Variants in SSC5D observed in about 807,000 individuals in gnomAD.
The protein encoded by SSC5D is scavenger receptor cysteine rich family member with 5 domains.
In SSC5D, 106 loss-of-function variants were observed where a neutral mutation model predicts 104.6. The observed-to-expected ratio is 1.01, with a 90% confidence interval of 0.87 to 1.19. SSC5D has a LOEUF of 1.19. SSC5D is among the 50% of genes most tolerant of loss of function. SSC5D has a pLI of 0.00. For synonymous variants in SSC5D, 860 were observed against 883.5 expected, an observed-to-expected ratio of 0.97 and a Z score of 0.47; for missense variants, 1,993 against 2,153.8, an observed-to-expected ratio of 0.93 and a Z score of 1.48.
Position 55,501,090 on chromosome 19 carries a change from G to A in SSC5D, c.2674G>A (p.Asp892Asn), listed in dbSNP as rs1272793696. 2.6e-6 allele frequency: 4 copies of A among 1,551,736 alleles called. No homozygotes were observed. Among genetic ancestry groups the A allele is most frequent in the Admixed American group, 3.9e-5 (2 of 50,982 alleles). ...PWTWDPTSRE[D>N]LAKGTTTAGV... ...GACCTGGGACCCCACCTCAAGAGAGGACCTGGCCAAGGGGACTACCACAGC... is the reference window on the plus strand; with the variant it reads ...GACCTGGGACCCCACCTCAAGAGAGAACCTGGCCAAGGGGACTACCACAGC... Residue 892 changes from aspartate to asparagine, a missense_variant, in exon 12 of 14, where the codon GAC becomes AAC. Physicochemically the swap from Asp to Asn is conservative, Grantham distance 23. Transcript: ENST00000389623.
At chr19:55,489,080 C>T (rs1315904683) in intron 2 of SSC5D, 48 bp downstream of exon 2, 3 of 991,946 alleles carry the variant, frequency 3.0e-6, no homozygotes, top group East Asian at 5.1e-5. Context: ...CCCCAGGCCT[C>T]CCCCTTCTGC....
In SSC5D at chr19:55,489,148, A is replaced by T. The variant is rs1987053214; in HGVS notation, c.52+116A>T. On this transcript the variant is annotated intron_variant, in intron 2 of 13. Coordinates refer to ENST00000389623, the MANE Select transcript of SSC5D (RefSeq NM_001144950.2). ...CCCGGCCCATCCGAATTCCACTGTG[A>T]CCTTGGCCCCAGCTCCGCAAGGGAA... The T allele has an allele frequency of 2.4e-5, 20 of 844,672 alleles. No individual in the cohort carries two copies. In the East Asian group the frequency reaches 9.0e-4, roughly 38 times the overall value. 52.3% of individuals were successfully genotyped at this position (844,672 alleles called of 1,614,324 possible). A position where few individuals can be genotyped will look rare whatever the true frequency, so the allele number is the denominator to read the frequency against.
chr19:55,505,235 C>G (rs8100922), intron 12 of SSC5D, among the ~76,000 whole-genome samples: 18,355 of 151,554 alleles, frequency 0.12, 1,481 homozygotes, highest in African/African-American at 0.17. Flanking sequence ...TTTCAGGGAA[C>G]GAGCGATTAT....
rs1449038176 is a variant in SSC5D, at chr19:55,490,788, C to G, written c.603C>G (p.Val201=). 35 of 1,540,584 alleles carry G rather than the reference C, an allele frequency of 2.3e-5. No homozygotes were observed. The highest frequency in any genetic ancestry group is 3.6e-5 in the South Asian group (3 of 82,968). Reference sequence around the variant, plus strand: ...ACCCCACAGAGCGGCTGCGCCTGGTCTCTGGCCCCCACAGGTGCGCCGGAC... The same window carrying G: ...ACCCCACAGAGCGGCTGCGCCTGGTGTCTGGCCCCCACAGGTGCGCCGGAC... ...GAPRQERLRL[V]SGPHRCAGRL... The change falls in exon 6 of 14, where the codon GTC becomes GTG. Residue 201 remains valine (V), a synonymous_variant. Transcript: ENST00000389623.
At chr19:55,516,194 C>T (rs1041179597) in intron 13 of SSC5D, among the ~76,000 whole-genome samples, 45 of 150,650 alleles carry the variant, frequency 3.0e-4, no homozygotes, top group African/African-American at 1.1e-3. Flanking sequence ...ATGATGAACT[C>T]GGTATCAAAA....
In SSC5D at chr19:55,489,351, C is replaced by T; in HGVS notation, c.53-3C>T. On this transcript the variant is annotated splice_region_variant and splice_polypyrimidine_tract_variant and intron_variant, in intron 2 of 13. Coordinates refer to ENST00000389623, the MANE Select transcript of SSC5D (RefSeq NM_001144950.2). ...CAGTCACAGCCATTCCTCCAACCCT[C>T]AGAGCGCCTGCGCCTGGCCGATGGC... 4.2e-6 allele frequency: 6 copies of T among 1,443,070 alleles called. No homozygotes were observed. The highest frequency in any genetic ancestry group is 5.4e-6 in the Non-Finnish European group (6 of 1,106,300). 89.4% of individuals were successfully genotyped at this position (1,443,070 alleles called of 1,614,324 possible). A position where few individuals can be genotyped will look rare whatever the true frequency, so the allele number is the denominator to read the frequency against.
chr19:55,512,313 C>T (rs1236292602), intron 12 of SSC5D, among the ~76,000 whole-genome samples: 3 of 131,250 alleles, frequency 2.3e-5, no homozygotes, highest in Admixed American at 1.7e-4. Context: ...ATATATTATA[C>T]ATTTATATGT....
intron 11 of SSC5D, 23 bp from the exon 12 acceptor site, chr19:55,501,011 C>G (rs781367380): frequency 7.1e-6 from 11 of 1,550,846 alleles, no homozygotes; most frequent in Non-Finnish European, 9.6e-6. Flanking sequence ...ATGGGGTCAA[C>G]CATTACCCCA....
Position 55,500,417 on chromosome 19 carries a change from G to C in SSC5D, c.2302+5G>C. 1 of 1,550,024 alleles carries C rather than the reference G, an allele frequency of 6.5e-7. No individual in the cohort carries two copies. The highest frequency in any genetic ancestry group is 8.7e-7 in the Non-Finnish European group (1 of 1,145,822). On this transcript the variant is annotated splice_donor_5th_base_variant and intron_variant, in intron 10 of 13. Coordinates refer to ENST00000389623, the MANE Select transcript of SSC5D (RefSeq NM_001144950.2). This position sits in a 1 kb window ranked among gnomAD's most constrained non-coding sequence, Gnocchi z 4.6. ...TTAGCACCACTGGGGAATCAGGTGA[G>C]TGGCCGTGAGGGGTGTGGGGAGAGA...
intron 12 of SSC5D, among the ~76,000 whole-genome samples, chr19:55,510,434 C>T (rs982382616): frequency 3.9e-5 from 6 of 152,154 alleles, no homozygotes; most frequent in African/African-American, 7.2e-5. Context: ...CTGCAACTTC[C>T]GCCTCCCAGG....
rs1354101691 is a variant in SSC5D, at chr19:55,519,025, G to C, written c.*27G>C. ...CCTCTCCAGGATTTGAGGGGCTTAAGACACCCCCAACCAAAAAAAACAAAA... is the reference window on the plus strand; with the variant it reads ...CCTCTCCAGGATTTGAGGGGCTTAACACACCCCCAACCAAAAAAAACAAAA... On this transcript the variant is annotated 3_prime_UTR_variant, in exon 14 of 14. Coordinates refer to ENST00000389623, the MANE Select transcript of SSC5D (RefSeq NM_001144950.2). The C allele has an allele frequency of 6.5e-7, 1 of 1,534,762 alleles. No individual in the cohort carries two copies. The highest frequency in any genetic ancestry group is 2.1e-5 in the Admixed American group (1 of 46,852).
chr19:55,503,290 C>T lies in SSC5D; in HGVS notation c.2785+2089C>T, dbSNP rs936771054. Among the ~76,000 whole-genome samples, 1 of 152,126 alleles carries T rather than the reference C, an allele frequency of 6.6e-6. No individual in the cohort carries two copies. The highest frequency in any genetic ancestry group is 1.5e-5 in the Non-Finnish European group (1 of 68,026). Reference sequence around the variant, plus strand: ...GTCTTTCACTTTCAGTTCTCAGCTTCGCCACCTGCTTCTCACTCGATTTTT... The same window carrying T: ...GTCTTTCACTTTCAGTTCTCAGCTTTGCCACCTGCTTCTCACTCGATTTTT... On this transcript the variant is annotated intron_variant, in intron 12 of 13. Transcript: ENST00000389623. This position sits in a 1 kb window ranked among gnomAD's most constrained non-coding sequence, Gnocchi z 4.0.
rs1000318490 is a variant in SSC5D at position 55,488,449 on chromosome 19, C to T, written c.-141C>T. On this transcript the variant is annotated 5_prime_UTR_variant, in exon 1 of 14. Transcript: ENST00000389623. The stretch of plus-strand genomic sequence containing the variant: ...AGCCTCTTTCTTCCTCCTGGCAAAG[C>T]GTCCAGCCCTGCCTGCTCCTCCTCG... 5.3e-5 allele frequency: 22 copies of T among 411,460 alleles called. No homozygotes were observed. The highest frequency in any genetic ancestry group is 4.9e-4 in the East Asian group (11 of 22,450). 25.5% of individuals were successfully genotyped at this position (411,460 alleles called of 1,614,324 possible).
At chr19:55,498,254 A>T in intron 9 of SSC5D, 57 bp downstream of exon 9, 1 of 1,521,906 alleles carries the variant, frequency 6.6e-7, no homozygotes, top group South Asian at 1.2e-5. Flanking sequence ...GGGGAACAGT[A>T]ACTAACATGG....
chr19:55,492,587 AAAGCAGAC>A (rs1987181327), intron 6 of SSC5D: 1 of 152,058 alleles, frequency 6.6e-6, no homozygotes. Context: ...CAGATGAGGA[AAAGCAGAC>A]AGGTGTGTTA....
chr19:55,502,964 T>C (rs921918106), intron 12 of SSC5D, among the ~76,000 whole-genome samples: 1 of 152,068 alleles, frequency 6.6e-6, no homozygotes, highest in Non-Finnish European at 1.5e-5. Flanking sequence ...TACAGGCGTG[T>C]GCCACCACTC....
In SSC5D at chr19:55,500,064, T is replaced by G. The variant is rs901345496; in HGVS notation, c.1954T>G (p.Ser652Ala). The change falls in exon 10 of 14, where the codon TCC becomes GCC. Residue 652 changes from serine to alanine, a missense_variant. Coordinates refer to ENST00000389623, the MANE Select transcript of SSC5D (RefSeq NM_001144950.2). This position sits in a 1 kb window ranked among gnomAD's most constrained non-coding sequence, Gnocchi z 4.6. Reference sequence around the variant, plus strand: ...CCCAGTGATGCCAACCACGAAACACTCCAGGGCCCAAAGCCCCCCAGACCT... The same window carrying G: ...CCCAGTGATGCCAACCACGAAACACGCCAGGGCCCAAAGCCCCCCAGACCT... ...QPPVMPTTKH[S>A]RAQSPPDLTS... is the part of the protein sequence containing the mutation. The G allele has an allele frequency of 6.5e-7, 1 of 1,549,508 alleles. No homozygotes were observed. Among genetic ancestry groups the G allele is most frequent in the Non-Finnish European group, 8.7e-7 (1 of 1,146,432 alleles).
At chr19:55,499,667 A>C in intron 9 of SSC5D, 149 bp from the exon 10 acceptor site, 1 of 717,824 alleles carries the variant, frequency 1.4e-6, no homozygotes, top group Non-Finnish European at 2.3e-6. Context: ...GGCTCATAGG[A>C]GGTGCTCAAT....
At position 55,497,652 on chromosome 19, in the gene SSC5D, G is replaced by A. The variant is rs1351005291; in HGVS notation, c.1388-228G>A. On this transcript the variant is annotated intron_variant, in intron 8 of 13. Coordinates refer to ENST00000389623, the MANE Select transcript of SSC5D (RefSeq NM_001144950.2). ...ATGGTAATTTGATGTGTAGCTTTTT[G>A]AGGATCCTCCAAACTCTGCCTGACT... Among the ~76,000 whole-genome samples, 5 of 152,138 alleles carry A rather than the reference G, an allele frequency of 3.3e-5. No individual in the cohort carries two copies. In the East Asian group the frequency reaches 9.6e-4, roughly 29 times the overall value.
Sources: gnomAD v4.1 joint callset for allele counts (sites outside exome capture counted in the v4.1 genomes callset) on GRCh38, gnomAD v4.1.1 for gene constraint, Gnocchi (gnomAD v3.1) non-coding constraint, MANE v1.5 for transcripts, NCBI Gene and HGNC (gene_info 2026-07-23, HGNC 2026-07-21) for gene names.